DZIP1L: variants seen among roughly 807,000 people sequenced by gnomAD.
DZIP1L encodes DAZ interacting zinc finger protein 1 like.
In DZIP1L, 90 loss-of-function variants were observed where a neutral mutation model predicts 88.7. That is an observed-to-expected ratio of 1.02 (90% confidence interval 0.86 to 1.21). The LOEUF is 1.21. Among genes scored for constraint, DZIP1L ranks in the 50% most tolerant of loss-of-function variants. The probability of loss-of-function intolerance (pLI) is 0.00; values close to 1 mark genes in which losing one functional copy is unlikely to be tolerated. For synonymous variants in DZIP1L, 363 were observed against 372.1 expected, an observed-to-expected ratio of 0.98 and a Z score of 0.28; for missense variants, 932 against 955.8, an observed-to-expected ratio of 0.98 and a Z score of 0.33.
At chr3:138,099,198 C>T (rs767767226) in intron 2 of DZIP1L, among the ~76,000 whole-genome samples, 4 of 152,238 alleles carry the variant, frequency 2.6e-5, no homozygotes, top group Non-Finnish European at 5.9e-5. Context: ...TCCTAAAACA[C>T]TTACAACAAG....
intron 2 of DZIP1L, chr3:138,102,792 G>A: frequency 1.3e-6 from 1 of 751,186 alleles, no homozygotes; most frequent in Non-Finnish European, 2.5e-6. Flanking sequence ...AGCTGCTGCT[G>A]CCCACTCAGG....
At chr3:138,088,916 A>C (rs1944076979) in intron 5 of DZIP1L, 1 of 986,928 alleles carries the variant, frequency 1.0e-6, no homozygotes, top group African/African-American at 1.7e-5. Flanking sequence ...CTCTCCCTAC[A>C]AAACATCCTG....
intron 2 of DZIP1L, chr3:138,102,875 A>G: frequency 3.0e-6 from 2 of 656,156 alleles, no homozygotes; most frequent in South Asian, 3.3e-5. Flanking sequence ...TGGGGGCCAG[A>G]GGTGGGCACC....
At chr3:138,107,561 C>G (rs2042531523) in intron 1 of DZIP1L, among the ~76,000 whole-genome samples, 1 of 152,184 alleles carries the variant, frequency 6.6e-6, no homozygotes, top group African/African-American at 2.4e-5. Context: ...AAACAGGAGA[C>G]CAGATTTGAA....
chr3:138,077,631 C>T lies in DZIP1L; in HGVS notation c.1290G>A (p.Glu430=). The change falls in exon 11 of 16, where the codon GAG becomes GAA. Residue 430 remains glutamate, a splice_region_variant and synonymous_variant. Coordinates refer to ENST00000327532, the MANE Select transcript of DZIP1L (RefSeq NM_173543.3). ...VDTEEDSPEE[E]MEDSQDEQHK... ...GCTGTTCATCCTGGGAGTCCTCCAT[C>T]TCTGTAGCATGAGACATTCACCCAG... 1 of 1,614,098 alleles carries T rather than the reference C, an allele frequency of 6.2e-7. No homozygotes were observed. The highest frequency in any genetic ancestry group is 8.5e-7 in the Non-Finnish European group (1 of 1,180,008).
At chr3:138,090,810 T>C (rs1944181231) in intron 5 of DZIP1L, among the ~76,000 whole-genome samples, 1 of 152,032 alleles carries the variant, frequency 6.6e-6, no homozygotes, top group South Asian at 2.1e-4. Flanking sequence ...GAGAGATAAA[T>C]ACATTTAAAA....
chr3:138,071,563 C>T (rs1943180420), intron 12 of DZIP1L, 80 bp downstream of exon 12: 3 of 1,499,456 alleles, frequency 2.0e-6, no homozygotes, highest in African/African-American at 1.4e-5. Context: ...AGACTATACC[C>T]TCCTCATGTG....
chr3:138,075,819 TG>T (rs1943379730), intron 11 of DZIP1L, among the ~76,000 whole-genome samples: 1 of 151,764 alleles, frequency 6.6e-6, no homozygotes, highest in South Asian at 2.1e-4. Context: ...CTCTACTGGG[TG>T]GGGTGGCACG....
chr3:138,077,334 C>T (rs114515744), intron 11 of DZIP1L, among the ~76,000 whole-genome samples, 165 bp downstream of exon 11: 1,807 of 152,250 alleles, frequency 0.012, 38 homozygotes, highest in African/African-American at 0.041. Flanking sequence ...ATCACACTGC[C>T]GCTGTGAAGT....
chr3:138,065,301 C>T (rs958146148), intron 14 of DZIP1L, among the ~76,000 whole-genome samples: 1 of 152,196 alleles, frequency 6.6e-6, no homozygotes, highest in Non-Finnish European at 1.5e-5. Context: ...AAGCAGGAAG[C>T]TAACTACAGC....
At chr3:138,089,288 A>G (rs901665448) in intron 5 of DZIP1L, 1 of 985,202 alleles carries the variant, frequency 1.0e-6, no homozygotes, top group African/African-American at 1.7e-5. Context: ...TTCAGAGTCA[A>G]ATGCTTGATC....
intron 1 of DZIP1L, among the ~76,000 whole-genome samples, chr3:138,104,808 C>T (rs1047157562): frequency 1.3e-5 from 2 of 152,178 alleles, no homozygotes; most frequent in African/African-American, 2.4e-5. Context: ...TTTGCCAAGA[C>T]TCAGATTCTA....
At chr3:138,079,219 C>T (rs946715614) in intron 10 of DZIP1L, among the ~76,000 whole-genome samples, 2 of 152,236 alleles carry the variant, frequency 1.3e-5, no homozygotes. Flanking sequence ...TCATCAGTCT[C>T]AGGCTCCTCC....
chr3:138,098,132 T>G (rs60698043), intron 2 of DZIP1L, among the ~76,000 whole-genome samples: 3,619 of 152,280 alleles, frequency 0.024, 142 homozygotes, highest in African/African-American at 0.082. Flanking sequence ...TTTGTCTATG[T>G]TTAAAAGTCA....
chr3:138,086,114 G>C (rs1461804713), intron 7 of DZIP1L, among the ~76,000 whole-genome samples: 2 of 151,880 alleles, frequency 1.3e-5, no homozygotes, highest in African/African-American at 4.8e-5. Context: ...TTGTGGGGTG[G>C]GGGGAGTGGG....
At chr3:138,089,273 A>T in intron 5 of DZIP1L, 1 of 985,410 alleles carries the variant, frequency 1.0e-6, no homozygotes, top group Non-Finnish European at 1.2e-6. Context: ...AACTCCCTGA[A>T]TATTTTCAGA....
chr3:138,087,641 A>T (rs1944008649), intron 6 of DZIP1L, among the ~76,000 whole-genome samples: 1 of 152,262 alleles, frequency 6.6e-6, no homozygotes, highest in Non-Finnish European at 1.5e-5. Flanking sequence ...TGGCCTCTTT[A>T]TAATGTGAAA....
At chr3:138,095,639 G>A (rs1032156589) in intron 3 of DZIP1L, among the ~76,000 whole-genome samples, 1 of 152,028 alleles carries the variant, frequency 6.6e-6, no homozygotes, top group African/African-American at 2.4e-5. Flanking sequence ...AAAATTAGCC[G>A]GGTGTGGTGG....
intron 8 of DZIP1L, among the ~76,000 whole-genome samples, chr3:138,082,298 C>A (rs1943698435): frequency 6.6e-6 from 1 of 152,150 alleles, no homozygotes; most frequent in African/African-American, 2.4e-5. Flanking sequence ...CACAGGTGAA[C>A]AATGAGACTT....
Sources: allele counts gnomAD v4.1 joint callset (sites outside exome capture counted in the v4.1 genomes callset), GRCh38; gene constraint gnomAD v4.1.1; transcripts MANE v1.5; gene names NCBI Gene and HGNC (gene_info 2026-07-23, HGNC 2026-07-21).